Variants in TRDN observed in about 807,000 individuals in gnomAD.
TRDN encodes the protein triadin.
A neutral mutation model predicts 149.7 loss-of-function variants in TRDN; 161 were observed. The ratio of observed to expected loss-of-function variants is 1.08; its 90% CI spans 0.95 to 1.23. The LOEUF (loss-of-function observed/expected upper bound fraction) is 1.23, where lower values mean the gene tolerates loss of function less well. Ranked by LOEUF, TRDN falls within the 50% of genes most tolerant of loss-of-function variation. The pLI is 0.00. For synonymous variants in TRDN, 294 were observed against 250.5 expected, an observed-to-expected ratio of 1.17 and a Z score of -1.64; for missense variants, 896 against 823.5, an observed-to-expected ratio of 1.09 and a Z score of -1.08.
chr6:123,535,267 G>T (rs1309423151), intron 4 of TRDN, among the ~76,000 whole-genome samples: 3 of 152,126 alleles, frequency 2.0e-5, no homozygotes, highest in African/African-American at 7.2e-5. Flanking sequence ...TAATAAGAAA[G>T]AATTAGCACT....
intron 1 of TRDN, among the ~76,000 whole-genome samples, chr6:123,609,224 G>C (rs894500057): frequency 1.1e-4 from 16 of 151,846 alleles, no homozygotes; most frequent in African/African-American, 3.9e-4. Context: ...AAAAGGATCA[G>C]CTAAGTAAAC....
At chr6:123,354,581 G>A (rs1780587466) in intron 20 of TRDN, among the ~76,000 whole-genome samples, 1 of 151,800 alleles carries the variant, frequency 6.6e-6, no homozygotes, top group Non-Finnish European at 1.5e-5. Flanking sequence ...TTAGTTAGAT[G>A]TAAGTAAGGA....
At chr6:123,517,055 G>A (rs933319115) in intron 5 of TRDN, among the ~76,000 whole-genome samples, 2 of 151,998 alleles carry the variant, frequency 1.3e-5, no homozygotes, top group Non-Finnish European at 2.9e-5. Context: ...CATTCCTGTC[G>A]CCATGATGTC....
At chr6:123,493,103 T>C (rs572349507) in intron 9 of TRDN, among the ~76,000 whole-genome samples, 3 of 152,242 alleles carry the variant, frequency 2.0e-5, no homozygotes, top group Non-Finnish European at 2.9e-5. Flanking sequence ...GTGTTCATAA[T>C]ATACCTAAAA....
intron 1 of TRDN, among the ~76,000 whole-genome samples, chr6:123,581,397 C>T (rs943071374): frequency 9.2e-5 from 14 of 152,084 alleles, no homozygotes; most frequent in African/African-American, 3.1e-4. Context: ...CAACAAGGCC[C>T]TAGGTAGGGA....
intron 25 of TRDN, 119 bp downstream of exon 25, chr6:123,278,937 G>T: frequency 2.1e-6 from 2 of 942,412 alleles, no homozygotes; most frequent in South Asian, 2.1e-5. Context: ...ACAAGCCTTT[G>T]ACTTTAAGCA....
chr6:123,231,716 G>A (rs1582750346), intron 38 of TRDN, among the ~76,000 whole-genome samples: 1 of 152,150 alleles, frequency 6.6e-6, no homozygotes, highest in East Asian at 1.9e-4. Flanking sequence ...ACATAAAAAG[G>A]AAGAATGACA....
chr6:123,372,108 T>C (rs1433301393), intron 19 of TRDN, among the ~76,000 whole-genome samples: 1 of 152,076 alleles, frequency 6.6e-6, no homozygotes, highest in East Asian at 1.9e-4. Flanking sequence ...AGCATGCTGG[T>C]TCAGGCCTAT....
chr6:123,489,434 T>C (rs1778115893), intron 9 of TRDN: 1 of 152,150 alleles, frequency 6.6e-6, no homozygotes, highest in Non-Finnish European at 1.5e-5. Flanking sequence ...ATCAGAGTTT[T>C]TTTAGTTTCT....
At chr6:123,575,723 T>C (rs1782819489) in intron 1 of TRDN, among the ~76,000 whole-genome samples, 1 of 152,112 alleles carries the variant, frequency 6.6e-6, no homozygotes, top group Admixed American at 6.6e-5. Context: ...GGATTGCTTA[T>C]ATAATGGATC....
intron 24 of TRDN, among the ~76,000 whole-genome samples, chr6:123,283,905 AT>A (rs1321147266): frequency 3.5e-5 from 5 of 142,360 alleles, no homozygotes; most frequent in African/African-American, 1.0e-4. Context: ...TGGTCCTGGA[AT>A]TTTTTTTCAT....
intron 38 of TRDN, among the ~76,000 whole-genome samples, chr6:123,225,978 G>T (rs1169527539): frequency 2.0e-5 from 3 of 151,720 alleles, no homozygotes; most frequent in Non-Finnish European, 4.4e-5. Context: ...AATGAAAAAG[G>T]GGTAAGATAG....
Position 123,286,347 on chromosome 6 carries a change from T to G in TRDN, c.1511-7265A>C, listed in dbSNP as rs75073785. Among the ~76,000 whole-genome samples, 917 of 152,020 alleles carry G rather than the reference T, an allele frequency of 6.0e-3. 2 individuals are homozygous for G. The highest frequency in any genetic ancestry group is 8.3e-3 in the Non-Finnish European group (562 of 67,962). Reference sequence around the variant, plus strand: ...GGCATGGTGGAATACTACTCAGACATAAAAAGGAACGAATTAATGACATTC... The same window carrying G: ...GGCATGGTGGAATACTACTCAGACAGAAAAAGGAACGAATTAATGACATTC... On this transcript the variant is annotated intron_variant, in intron 24 of 40. Coordinates refer to ENST00000334268, the MANE Select transcript of TRDN (RefSeq NM_006073.4).
At chr6:123,586,816 TG>T (rs1174029292) in intron 1 of TRDN, among the ~76,000 whole-genome samples, 1 of 151,254 alleles carries the variant, frequency 6.6e-6, no homozygotes, top group Non-Finnish European at 1.5e-5. Context: ...GGAAGGGGTT[TG>T]GGGGTTCTTA....
intron 10 of TRDN, chr6:123,456,866 G>A (rs1776157118): frequency 2.2e-6 from 1 of 455,844 alleles, no homozygotes; most frequent in South Asian, 1.5e-5. Context: ...GGGAAAGGAT[G>A]ACGCCATTTG....
At chr6:123,591,956 G>C (rs773609399) in intron 1 of TRDN, among the ~76,000 whole-genome samples, 1 of 152,030 alleles carries the variant, frequency 6.6e-6, no homozygotes, top group South Asian at 2.1e-4. Context: ...TAGAGAGTGG[G>C]GACAAGTATT....
At chr6:123,503,046 T>G in intron 8 of TRDN, 2 of 985,346 alleles carry the variant, frequency 2.0e-6, no homozygotes, top group Non-Finnish European at 2.4e-6. Context: ...CCACCTCCAT[T>G]GAAGTGATAT....
At chr6:123,534,168 T>C (rs1327203364) in intron 4 of TRDN, among the ~76,000 whole-genome samples, 4 of 152,110 alleles carry the variant, frequency 2.6e-5, no homozygotes, top group Admixed American at 6.6e-5. Context: ...CAAACTTACA[T>C]AGGCAGATTT....
At chr6:123,566,480 C>T (rs1163609397) in intron 2 of TRDN, among the ~76,000 whole-genome samples, 1 of 152,184 alleles carries the variant, frequency 6.6e-6, no homozygotes, top group Non-Finnish European at 1.5e-5. Context: ...TTATTCTTCT[C>T]AATCCAGTAC....
Sources: allele counts gnomAD v4.1 joint callset (sites outside exome capture counted in the v4.1 genomes callset), GRCh38; gene constraint gnomAD v4.1.1; transcripts MANE v1.5; gene names NCBI Gene and HGNC (gene_info 2026-07-23, HGNC 2026-07-21).